SLC25A21: variants seen among roughly 807,000 people sequenced by gnomAD.
The protein encoded by SLC25A21 is mitochondrial 2-oxodicarboxylate carrier.
In SLC25A21, 47 loss-of-function variants were observed where a neutral mutation model predicts 43.8. The observed-to-expected ratio is 1.07, with a 90% CI of 0.85 to 1.37. The LOEUF is 1.37. Among genes scored for constraint, SLC25A21 ranks in the 40% most tolerant of loss-of-function variants. The probability of loss-of-function intolerance (pLI) is 0.00; values close to 1 mark genes in which losing one functional copy is unlikely to be tolerated. For missense variants in SLC25A21, 352 were observed against 350.2 expected, an observed-to-expected ratio of 1.00 and a Z score of -0.04; for synonymous variants, 131 against 121.3, an observed-to-expected ratio of 1.08 and a Z score of -0.52.
chr14:37,172,206 G>GTCTGGGCAACGGTT, intron 1 of SLC25A21, 75 bp downstream of exon 1: 2 of 1,439,596 alleles, frequency 1.4e-6, no homozygotes, highest in Non-Finnish European at 9.4e-7. Context: ...AAGGAGACCT[G>GTCTGGGCAACGGTT]TCTGGGCAAC....
intron 2 of SLC25A21, among the ~76,000 whole-genome samples, chr14:36,870,223 G>A (rs1309235602): frequency 6.6e-6 from 1 of 152,172 alleles, no homozygotes; most frequent in African/African-American, 2.4e-5. Flanking sequence ...GACAAATTAA[G>A]AATGAGTGAT....
chr14:36,769,239 T>C (rs1270369232), intron 3 of SLC25A21, among the ~76,000 whole-genome samples: 1 of 152,242 alleles, frequency 6.6e-6, no homozygotes, highest in East Asian at 1.9e-4. Context: ...TAGTTTTCTA[T>C]CGTGGTGCTT....
intron 1 of SLC25A21, among the ~76,000 whole-genome samples, chr14:37,165,588 G>A (rs530904055): frequency 6.6e-6 from 1 of 152,252 alleles, no homozygotes; most frequent in South Asian, 2.1e-4. Flanking sequence ...GGAGGGTCCT[G>A]GAGTTGCCAC....
chr14:36,878,112 T>G (rs771963092), intron 1 of SLC25A21, among the ~76,000 whole-genome samples: 6 of 152,012 alleles, frequency 3.9e-5, no homozygotes, highest in Non-Finnish European at 8.8e-5. Context: ...GTCCCAGCCC[T>G]CTCTCCATTG....
Position 36,782,058 on chromosome 14 carries a change from C to T in SLC25A21, c.203+31860G>A, listed in dbSNP as rs181541363. On this transcript the variant is annotated intron_variant, in intron 3 of 9. Coordinates refer to ENST00000331299, the MANE Select transcript of SLC25A21 (RefSeq NM_030631.4). ...TCAGCATTTTGACTACATCATCCCA[C>T]TCTCCCCTGGCCTGCAAGGTTTCTG... Among the ~76,000 whole-genome samples, 403 of 152,292 alleles carry T rather than the reference C, an allele frequency of 2.6e-3. 1 individual carries two copies. Among genetic ancestry groups the T allele is most frequent in the African/African-American group, 8.4e-3 (347 of 41,552 alleles).
chr14:37,162,772 C>T (rs1963967697), intron 1 of SLC25A21, among the ~76,000 whole-genome samples: 1 of 152,240 alleles, frequency 6.6e-6, no homozygotes, highest in East Asian at 1.9e-4. Context: ...ACCATTTGAC[C>T]CAGCCATCCC....
At chr14:37,076,642 G>A (rs112697569) in intron 1 of SLC25A21, among the ~76,000 whole-genome samples, 1 of 151,664 alleles carries the variant, frequency 6.6e-6, no homozygotes, top group Non-Finnish European at 1.5e-5. Context: ...GCGCCTGACA[G>A]CATGCCCGGC....
Position 36,684,752 on chromosome 14 carries a change from C to G in SLC25A21, c.777G>C (p.Gln259His). The change falls in exon 8 of 10, where the codon CAG (glutamine) becomes CAC (histidine). Residue 259 changes from glutamine to histidine, a missense_variant. Coordinates refer to ENST00000331299, the MANE Select transcript of SLC25A21 (RefSeq NM_030631.4). ...TCFKTMATVY[Q>H]EEGILALYKG... ...AGAATGTGTTATGTTACCCTTCTTC[C>G]TGATAGACTGTTGCCATTGTTTTAA... 6.2e-7 allele frequency: 1 copy of G among 1,605,506 alleles called. No individual in the cohort carries two copies. The highest frequency in any genetic ancestry group is 1.1e-5 in the South Asian group (1 of 88,978).
chr14:36,928,444 TTG>T (rs1283773154), intron 1 of SLC25A21, among the ~76,000 whole-genome samples: 1 of 152,200 alleles, frequency 6.6e-6, no homozygotes, highest in Non-Finnish European at 1.5e-5. Flanking sequence ...GATTTTTTTT[TTG>T]TTTTGTTTTA....
At chr14:37,105,969 GA>G (rs1344762559) in intron 1 of SLC25A21, among the ~76,000 whole-genome samples, 3 of 152,250 alleles carry the variant, frequency 2.0e-5, no homozygotes, top group African/African-American at 2.4e-5. Flanking sequence ...CATGAATTGT[GA>G]AGATTTCATG....
chr14:36,831,959 A>G (rs141251033), intron 2 of SLC25A21, among the ~76,000 whole-genome samples: 1 of 152,336 alleles, frequency 6.6e-6, no homozygotes, highest in African/African-American at 2.4e-5. Context: ...GTCTGTTCCA[A>G]GTATAAAATT....
intron 3 of SLC25A21, among the ~76,000 whole-genome samples, chr14:36,757,359 C>A (rs1885974879): frequency 6.6e-6 from 1 of 152,148 alleles, no homozygotes; most frequent in Non-Finnish European, 1.5e-5. Flanking sequence ...ACAGCTCACA[C>A]ACTTGGATGC....
chr14:36,875,145 G>A, intron 1 of SLC25A21, 141 bp from the exon 2 acceptor site: 1 of 522,802 alleles, frequency 1.9e-6, no homozygotes, highest in Admixed American at 3.7e-5. Context: ...TAATAGGCTA[G>A]TGGCAAAAGA....
chr14:37,022,201 T>C (rs1043618070), intron 1 of SLC25A21, among the ~76,000 whole-genome samples: 4 of 151,972 alleles, frequency 2.6e-5, no homozygotes, highest in African/African-American at 9.7e-5. Flanking sequence ...ATGTAGAGCA[T>C]AACTAATTAC....
chr14:36,991,617 A>G (rs1390214220), intron 1 of SLC25A21, among the ~76,000 whole-genome samples: 1 of 152,218 alleles, frequency 6.6e-6, no homozygotes, highest in Non-Finnish European at 1.5e-5. Context: ...GTTATAGATG[A>G]AGAAACTGAG....
intron 2 of SLC25A21, among the ~76,000 whole-genome samples, chr14:36,828,054 T>C (rs1594622611): frequency 6.6e-6 from 1 of 151,968 alleles, no homozygotes; most frequent in Non-Finnish European, 1.5e-5. Context: ...TGTCTCAATG[T>C]GACTCACATA....
At chr14:36,974,529 G>T (rs1452459859) in intron 1 of SLC25A21, among the ~76,000 whole-genome samples, 1 of 152,102 alleles carries the variant, frequency 6.6e-6, no homozygotes, top group African/African-American at 2.4e-5. Context: ...CAAATACTTT[G>T]CTATGAAAAC....
At chr14:37,144,169 G>A (rs921761160) in intron 1 of SLC25A21, among the ~76,000 whole-genome samples, 1 of 152,164 alleles carries the variant, frequency 6.6e-6, no homozygotes, top group Admixed American at 6.5e-5. Context: ...GAAAAGGACT[G>A]ACAGATTCTA....
intron 2 of SLC25A21, among the ~76,000 whole-genome samples, chr14:36,817,289 G>A (rs1234133708): frequency 1.3e-5 from 2 of 152,114 alleles, no homozygotes; most frequent in African/African-American, 4.8e-5. Flanking sequence ...AGGTGTTCAC[G>A]AGGGGAGCAA....
Sources: allele counts gnomAD v4.1 joint callset (sites outside exome capture counted in the v4.1 genomes callset), GRCh38; gene constraint gnomAD v4.1.1; transcripts MANE v1.5; gene names NCBI Gene and HGNC (gene_info 2026-07-23, HGNC 2026-07-21).